TAF2: variants seen among roughly 807,000 people sequenced by gnomAD.
The protein encoded by TAF2 is transcription initiation factor TFIID subunit 2.
A neutral mutation model predicts 138.5 loss-of-function variants in TAF2; 61 were observed. The observed-to-expected ratio is 0.44, with a 90% CI of 0.36 to 0.54. The LOEUF (loss-of-function observed/expected upper bound fraction) is 0.54, where lower values mean the gene tolerates loss of function less well. Ranked by LOEUF, TAF2 falls within the 20% of genes least tolerant of loss-of-function variation. The pLI, the probability that TAF2 is intolerant of heterozygous loss-of-function variation, is 0.00. For missense variants in TAF2, 1,090 were observed against 1,427.9 expected (o/e 0.76, Z 3.81); for synonymous variants, 475 against 469.9 (o/e 1.01, Z -0.14).
chr8:119,770,022 G>A (rs528126935), intron 18 of TAF2, among the ~76,000 whole-genome samples: 178 of 151,480 alleles, frequency 1.2e-3, no homozygotes, highest in Non-Finnish European at 2.3e-3. Flanking sequence ...CTCCCAAAGT[G>A]CTGGGATTAC....
At chr8:119,745,429 C>T (rs537421434) in intron 23 of TAF2, among the ~76,000 whole-genome samples, 24,705 of 151,946 alleles carry the variant, frequency 0.16, 3,510 homozygotes, top group African/African-American at 0.39. Context: ...TGTCTTACTT[C>T]TTCATAACCC....
chr8:119,797,558 C>T (rs939133554), intron 7 of TAF2, 104 bp downstream of exon 7: 38 of 1,206,498 alleles, frequency 3.1e-5, no homozygotes, highest in South Asian at 3.9e-5. Flanking sequence ...ATCCAAATTG[C>T]GGAAAAAAGT....
At position 119,731,279 on chromosome 8, in the gene TAF2, G is replaced by C. The variant is rs908841269; in HGVS notation, c.*645C>G. ...GCTAAATTCCAACATCGTAACCGCC[G>C]AATGTGTTATCAAAAGATAGTTATT... On this transcript the variant is annotated 3_prime_UTR_variant, in exon 26 of 26. Coordinates refer to ENST00000378164, the MANE Select transcript of TAF2 (RefSeq NM_003184.4). The C allele has an allele frequency of 4.6e-5, 7 of 152,218 alleles. No homozygotes were observed. The highest frequency in any genetic ancestry group is 1.4e-4 in the African/African-American group (6 of 41,538). 9.4% of individuals were successfully genotyped at this position (152,218 alleles called of 1,614,324 possible).
chr8:119,763,243 A>G (rs926872733), intron 18 of TAF2, among the ~76,000 whole-genome samples: 1 of 152,302 alleles, frequency 6.6e-6, no homozygotes. Context: ...AGGCACATAC[A>G]AACAAACAAC....
In TAF2 at chr8:119,740,184, G is replaced by C. The variant is rs115292933; in HGVS notation, c.3337+2350C>G. 2.2e-3 allele frequency among the ~76,000 whole-genome samples: 342 copies of C among 152,178 alleles called. 1 individual carries two copies. The highest frequency in any genetic ancestry group is 7.9e-3 in the African/African-American group (328 of 41,536). On this transcript the variant is annotated intron_variant, in intron 25 of 25. Coordinates refer to ENST00000378164, the MANE Select transcript of TAF2 (RefSeq NM_003184.4). Reference sequence around the variant, plus strand: ...GAAATTCCTTTTTCACTGCCAATTTGACTTGACTTGGGTTAGGCTAAAGTT... The same window carrying C: ...GAAATTCCTTTTTCACTGCCAATTTCACTTGACTTGGGTTAGGCTAAAGTT...
At chr8:119,786,777 C>T (rs573948981) in intron 14 of TAF2, among the ~76,000 whole-genome samples, 5 of 152,122 alleles carry the variant, frequency 3.3e-5, no homozygotes, top group South Asian at 2.1e-4. Flanking sequence ...CAAAAAGTAG[C>T]GGGGCGTGGT....
intron 18 of TAF2, among the ~76,000 whole-genome samples, chr8:119,768,615 T>C (rs1490096133): frequency 1.3e-5 from 2 of 152,224 alleles, no homozygotes; most frequent in African/African-American, 2.4e-5. Flanking sequence ...CACGTGCAGA[T>C]GAGAAATACA....
At chr8:119,734,628 T>C (rs930978278) in intron 25 of TAF2, among the ~76,000 whole-genome samples, 5 of 152,200 alleles carry the variant, frequency 3.3e-5, no homozygotes, top group African/African-American at 1.2e-4. Context: ...CTTGTCTAAC[T>C]GATACACTCA....
chr8:119,822,354 T>C (rs1825850343), intron 2 of TAF2, among the ~76,000 whole-genome samples: 1 of 151,956 alleles, frequency 6.6e-6, no homozygotes, highest in Non-Finnish European at 1.5e-5. Flanking sequence ...CCAGAGTAGC[T>C]GGGGACTACA....
At chr8:119,754,002 C>T (rs1342062300) in intron 22 of TAF2, among the ~76,000 whole-genome samples, 1 of 151,896 alleles carries the variant, frequency 6.6e-6, no homozygotes, top group Non-Finnish European at 1.5e-5. Context: ...AAATATAAAA[C>T]ATTATGTAAA....
chr8:119,768,727 C>A (rs1411500234), intron 18 of TAF2, among the ~76,000 whole-genome samples: 1 of 152,200 alleles, frequency 6.6e-6, no homozygotes, highest in East Asian at 1.9e-4. Context: ...CAGCTGACAC[C>A]CACCTGCATG....
intron 4 of TAF2, among the ~76,000 whole-genome samples, chr8:119,805,122 A>T (rs1292222957): frequency 6.6e-6 from 1 of 152,240 alleles, no homozygotes; most frequent in Non-Finnish European, 1.5e-5. Context: ...TAAATAAGCA[A>T]GGCAGAAGCT....
At chr8:119,791,236 C>G (rs1313855309) in intron 11 of TAF2, 88 bp downstream of exon 11, 3 of 1,495,960 alleles carry the variant, frequency 2.0e-6, no homozygotes, top group Admixed American at 3.6e-5. Flanking sequence ...ATCCAGATGT[C>G]CTGACTCCTA....
chr8:119,740,448 G>A (rs1819517618), intron 25 of TAF2, among the ~76,000 whole-genome samples: 1 of 143,170 alleles, frequency 7.0e-6, no homozygotes, highest in Admixed American at 7.3e-5. Flanking sequence ...GAGGCCAGGA[G>A]TTTGAGATGA....
In TAF2 at chr8:119,768,319, A is replaced by G. The variant is rs1821584912; in HGVS notation, c.2365-5711T>C. ...GGAGGTTTGCCTCGTCCAGTCCACT[A>G]CCTCCGGCTTTGTACCCCTTTACCA... On this transcript the variant is annotated intron_variant, in intron 18 of 25. Transcript: ENST00000378164. Among the ~76,000 whole-genome samples the G allele has an allele frequency of 2.0e-5, 3 of 152,074 alleles. No homozygotes were observed. In the South Asian group the frequency reaches 6.2e-4, roughly 32 times the overall value.
chr8:119,746,201 G>A (rs1330245402), intron 23 of TAF2, among the ~76,000 whole-genome samples: 4 of 151,698 alleles, frequency 2.6e-5, no homozygotes, highest in South Asian at 2.1e-4. Context: ...GTGAAATTCC[G>A]TTTCTACTAA....
intron 14 of TAF2, among the ~76,000 whole-genome samples, chr8:119,785,775 T>C (rs1262453098): frequency 6.6e-6 from 1 of 152,144 alleles, no homozygotes; most frequent in Non-Finnish European, 1.5e-5. Context: ...AAGCAACAGT[T>C]TTTATGTTAA....
chr8:119,783,695 A>C (rs1460011003), intron 15 of TAF2, 62 bp from the exon 16 acceptor site: 184 of 1,517,030 alleles, frequency 1.2e-4, no homozygotes, highest in Non-Finnish European at 1.6e-4. Flanking sequence ...ATATATTTAG[A>C]AAATAAATAC....
At position 119,789,661 on chromosome 8, in the gene TAF2, G is replaced by A; in HGVS notation, c.1499C>T (p.Thr500Ile). The A allele has an allele frequency of 6.2e-7, 1 of 1,613,864 alleles. No homozygotes were observed. The highest frequency in any genetic ancestry group is 8.5e-7 in the Non-Finnish European group (1 of 1,179,942). ...TGAAATGGATTTCAAAAACCCAGATGTGGAAACCAACATCTGACTCCACAT... is the reference window on the plus strand; with the variant it reads ...TGAAATGGATTTCAAAAACCCAGATATGGAAACCAACATCTGACTCCACAT... Reference protein sequence around the residue: ...SHMWSQMLVSTSGFLKSISNV... With the variant: ...SHMWSQMLVSISGFLKSISNV... Residue 500 changes from threonine to isoleucine, a missense_variant, in exon 12 of 26, where the codon ACA becomes ATA. Around this residue, in one of 3 missense-constraint regions of TAF2, gnomAD observed 504 missense variants for 680.9 expected, o/e 0.74. Coordinates refer to ENST00000378164, the MANE Select transcript of TAF2 (RefSeq NM_003184.4).
Sources: gnomAD v4.1 joint callset for allele counts (sites outside exome capture counted in the v4.1 genomes callset) on GRCh38, gnomAD v4.1.1 for gene constraint, gnomAD v4.1.1 regional missense constraint, MANE v1.5 for transcripts, NCBI Gene and HGNC (gene_info 2026-07-23, HGNC 2026-07-21) for gene names.